The following VAV1 variants were observed in gnomAD, a reference collection of about 807,000 sequenced individuals.
The protein encoded by VAV1 is vav guanine nucleotide exchange factor 1.
VAV1 carries 33 observed loss-of-function variants against 128.1 expected under a neutral mutation model. The observed-to-expected ratio is 0.26, with a 90% CI of 0.20 to 0.34. VAV1 has a LOEUF of 0.34. Among genes scored for constraint, VAV1 ranks in the 10% least tolerant of loss-of-function variants. The pLI is 1.00. For synonymous variants in VAV1, 394 were observed against 409.8 expected, an observed-to-expected ratio of 0.96 and a Z score of 0.47; for missense variants, 715 against 1,093.7, an observed-to-expected ratio of 0.65 and a Z score of 4.88.
intron 26 of VAV1, 49 bp downstream of exon 26, chr19:6,854,147 G>C (rs1260159484): frequency 1.0e-5 from 16 of 1,599,474 alleles, no homozygotes; most frequent in African/African-American, 1.3e-5. Flanking sequence ...GGTTGAGCTG[G>C]TGGTGGACGA....
At chr19:6,802,786 C>A (rs1971304059) in intron 1 of VAV1, among the ~76,000 whole-genome samples, 1 of 152,162 alleles carries the variant, frequency 6.6e-6, no homozygotes, top group South Asian at 2.1e-4. Context: ...GTTCTCCATT[C>A]CTATCTGTGT....
rs187136548 is a variant in VAV1, at chr19:6,799,528, G to A, written c.205-21174G>A. ...GCAGGTTTGTTACATAGGTATACACGTGCCATGGTGGTTTGCTGCATCCAT... is the reference window on the plus strand; with the variant it reads ...GCAGGTTTGTTACATAGGTATACACATGCCATGGTGGTTTGCTGCATCCAT... On this transcript the variant is annotated intron_variant, in intron 1 of 26. Coordinates refer to ENST00000602142, the MANE Select transcript of VAV1 (RefSeq NM_005428.4). 3.5e-4 allele frequency among the ~76,000 whole-genome samples: 53 copies of A among 152,162 alleles called. No individual in the cohort carries two copies. In the East Asian group the frequency reaches 4.4e-3, roughly 13 times the overall value.
chr19:6,781,628 G>A (rs1970768378), intron 1 of VAV1, among the ~76,000 whole-genome samples: 1 of 142,562 alleles, frequency 7.0e-6, no homozygotes, highest in African/African-American at 2.6e-5. Context: ...TTTTTTTTGA[G>A]GCTGAGTCTT....
intron 1 of VAV1, among the ~76,000 whole-genome samples, chr19:6,792,214 T>C (rs1599626857): frequency 1.3e-5 from 2 of 151,732 alleles, no homozygotes; most frequent in Non-Finnish European, 2.9e-5. Context: ...AAGAGAGATC[T>C]GGAAAAAGAA....
At chr19:6,788,026 G>A (rs1970933378) in intron 1 of VAV1, among the ~76,000 whole-genome samples, 1 of 151,856 alleles carries the variant, frequency 6.6e-6, no homozygotes, top group African/African-American at 2.4e-5. Context: ...GCAGTGAGCC[G>A]AGATCCCGCC....
intron 1 of VAV1, among the ~76,000 whole-genome samples, chr19:6,802,623 A>T (rs1428350066): frequency 6.6e-6 from 1 of 152,142 alleles, no homozygotes; most frequent in Non-Finnish European, 1.5e-5. Flanking sequence ...AGACACAGCC[A>T]TCTGCTCTAT....
rs71177123 is a variant in VAV1 at position 6,844,063 on chromosome 19, C to CTTTTTTTTTTTTTTTTTTTTT, written c.2012+918_2012+938dup. Among the ~76,000 whole-genome samples the CTTTTTTTTTTTTTTTTTTTTT allele has an allele frequency of 2.5e-3, 54 of 21,326 alleles. 19 individuals are homozygous for CTTTTTTTTTTTTTTTTTTTTT. The highest frequency in any genetic ancestry group is 4.5e-3 in the East Asian group (2 of 446). The allele number at this position is 21,326 out of a possible 152,430, so 14.0% of individuals were successfully genotyped here. A position where few individuals can be genotyped will look rare whatever the true frequency, so the allele number is the denominator to read the frequency against. ...ACTTTCTTCTTTTCTTCTTCTTCTT[C>CTTTTTTTTTTTTTTTTTTTTT]TTTTTTTTTTTTTTTTTTTTTTTTT... On this transcript the variant is annotated intron_variant, in intron 22 of 26. Coordinates refer to ENST00000602142, the MANE Select transcript of VAV1 (RefSeq NM_005428.4).
intron 23 of VAV1, 39 bp from the exon 24 acceptor site, chr19:6,850,631 G>T: frequency 6.2e-7 from 1 of 1,601,524 alleles, no homozygotes; most frequent in Non-Finnish European, 8.6e-7. Context: ...GAATGGGCCT[G>T]GTCCCCAGAC....
chr19:6,847,927 A>G (rs2144822600), intron 22 of VAV1, 71 bp from the exon 23 acceptor site: 3 of 1,345,582 alleles, frequency 2.2e-6, no homozygotes, highest in African/African-American at 1.5e-5. Flanking sequence ...GGGAAAGGCA[A>G]CCTCCATATG....
At chr19:6,847,306 C>A (rs1972548310) in intron 22 of VAV1, among the ~76,000 whole-genome samples, 1 of 152,156 alleles carries the variant, frequency 6.6e-6, no homozygotes, top group African/African-American at 2.4e-5. Flanking sequence ...CCATCCCGGG[C>A]AGTTGCTCCT....
At chr19:6,834,436 G>C (rs1172548808) in intron 19 of VAV1, among the ~76,000 whole-genome samples, 1 of 151,300 alleles carries the variant, frequency 6.6e-6, no homozygotes, top group Non-Finnish European at 1.5e-5. Context: ...TAAAGACGGG[G>C]TTTCACCATG....
At chr19:6,852,721 AAAG>A (rs1972698325) in intron 24 of VAV1, among the ~76,000 whole-genome samples, 1 of 127,928 alleles carries the variant, frequency 7.8e-6, no homozygotes. Flanking sequence ...ACTCCGTCTC[AAAG>A]AAAAAAAAAA....
intron 21 of VAV1, among the ~76,000 whole-genome samples, chr19:6,842,770 G>C (rs1972410923): frequency 1.3e-5 from 2 of 152,132 alleles, no homozygotes; most frequent in African/African-American, 2.4e-5. Context: ...GGAGATCGAG[G>C]CTGCAGTGAG....
At chr19:6,827,683 C>T (rs182180147) in intron 9 of VAV1, among the ~76,000 whole-genome samples, 1 of 152,122 alleles carries the variant, frequency 6.6e-6, no homozygotes, top group Non-Finnish European at 1.5e-5. Flanking sequence ...AATGCCATCT[C>T]TGCCTCCCGG....
intron 1 of VAV1, among the ~76,000 whole-genome samples, chr19:6,796,776 CACTT>C (rs1277213375): frequency 4.6e-5 from 7 of 152,158 alleles, no homozygotes; most frequent in African/African-American, 1.7e-4. Context: ...TCTCGCTTAA[CACTT>C]ACCACCTTCA....
chr19:6,814,734 T>A (rs931603355), intron 1 of VAV1, among the ~76,000 whole-genome samples: 2 of 145,422 alleles, frequency 1.4e-5, no homozygotes, highest in African/African-American at 2.6e-5. Flanking sequence ...CTTTCTTTCC[T>A]TTTTCCCTCT....
At chr19:6,791,720 A>G (rs1392668543) in intron 1 of VAV1, among the ~76,000 whole-genome samples, 1 of 152,206 alleles carries the variant, frequency 6.6e-6, no homozygotes, top group Admixed American at 6.6e-5. Context: ...ACGCTGGCAC[A>G]TTGTAATAAA....
chr19:6,812,671 G>A (rs415306), intron 1 of VAV1, among the ~76,000 whole-genome samples: 10,895 of 152,004 alleles, frequency 0.072, 658 homozygotes, highest in African/African-American at 0.16. Flanking sequence ...CAGAAACAAA[G>A]ACAACCCAAA....
chr19:6,773,109 T>C, intron 1 of VAV1, 98 bp downstream of exon 1: 8 of 1,477,556 alleles, frequency 5.4e-6, no homozygotes, highest in South Asian at 1.2e-5. Context: ...CCTCTGGGCC[T>C]GCAAAGGAGA....
Sources: gnomAD v4.1 joint callset for allele counts (sites outside exome capture counted in the v4.1 genomes callset) on GRCh38, gnomAD v4.1.1 for gene constraint, MANE v1.5 for transcripts, NCBI Gene and HGNC (gene_info 2026-07-23, HGNC 2026-07-21) for gene names.